Variants in TSPEAR observed in about 807,000 individuals in gnomAD.
TSPEAR encodes thrombospondin type laminin G domain and EAR repeats.
A neutral mutation model predicts 71.6 loss-of-function variants in TSPEAR; 69 were observed. The ratio of observed to expected loss-of-function variants is 0.96; its 90% CI spans 0.79 to 1.18. The LOEUF (loss-of-function observed/expected upper bound fraction) is 1.18, where lower values mean the gene tolerates loss of function less well. Ranked by LOEUF, TSPEAR falls within the 50% of genes most tolerant of loss-of-function variation. The probability of loss-of-function intolerance (pLI) is 0.00; values close to 1 mark genes in which losing one functional copy is unlikely to be tolerated. For synonymous variants in TSPEAR, 402 were observed against 387.2 expected (o/e 1.04, Z -0.45); for missense variants, 971 against 894.9 (o/e 1.09, Z -1.09).
At chr21:44,567,158 C>T (rs1555921839) in intron 2 of TSPEAR, among the ~76,000 whole-genome samples, 1 of 152,026 alleles carries the variant, frequency 6.6e-6, no homozygotes, top group African/African-American at 2.4e-5. Context: ...TATAACTGAG[C>T]AATAAGTCCA....
In TSPEAR at chr21:44,711,347, T is replaced by C; in HGVS notation, c.82+86A>G. On this transcript the variant is annotated intron_variant, in intron 1 of 11. Transcript: ENST00000323084. The surrounding 1 kb of genome is among the most constrained non-coding windows in gnomAD (Gnocchi z 4.5). ...CCTCGGGCACCGCGGCTTGAATCAG[T>C]GTTAGAAAGTGGCATTTGTGACTCG... 7.9e-7 allele frequency: 1 copy of C among 1,259,088 alleles called. No individual in the cohort carries two copies. The allele number at this position is 1,259,088 out of a possible 1,614,324, so 78.0% of individuals were successfully genotyped here.
At chr21:44,525,551 T>C in intron 8 of TSPEAR, 102 bp downstream of exon 8, 1 of 1,228,252 alleles carries the variant, frequency 8.1e-7, no homozygotes, top group Non-Finnish European at 1.2e-6. Flanking sequence ...GTGCTGCATG[T>C]GGCTTATTGT....
Position 44,600,864 on chromosome 21 carries a change from C to T in TSPEAR, c.83-32859G>A, listed in dbSNP as rs782205356. ...AGCCCAGCCCCTGCCAATCAGGCTG[C>T]ACCAGCTCCTGCACGCCCTCGTGCT... is the stretch of plus-strand genomic sequence containing the variant. On this transcript the variant is annotated intron_variant, in intron 1 of 11. Transcript: ENST00000323084. 28 of 1,610,414 alleles carry T rather than the reference C, an allele frequency of 1.7e-5. No individual in the cohort carries two copies. In the African/African-American group the frequency reaches 3.4e-4, roughly 20 times the overall value.
intron 9 of TSPEAR, among the ~76,000 whole-genome samples, chr21:44,511,642 A>G (rs1346450836): frequency 1.3e-5 from 2 of 152,188 alleles, no homozygotes; most frequent in African/African-American, 4.8e-5. Context: ...AGCTCTCCCC[A>G]CATTGCTGGA....
chr21:44,588,652 TAAAG>T (rs1979501556), intron 1 of TSPEAR, among the ~76,000 whole-genome samples: 1 of 148,758 alleles, frequency 6.7e-6, no homozygotes, highest in Admixed American at 6.7e-5. Flanking sequence ...AACGAGTGGA[TAAAG>T]AAACTTTTAT....
chr21:44,510,393 A>G (rs17004651), intron 9 of TSPEAR, among the ~76,000 whole-genome samples: 2,658 of 152,304 alleles, frequency 0.017, 97 homozygotes, highest in African/African-American at 0.061. Flanking sequence ...CCAGGTAAGA[A>G]GCAGCTCTGA....
At chr21:44,665,217 T>G (rs1555944425) in intron 1 of TSPEAR, among the ~76,000 whole-genome samples, 1 of 152,152 alleles carries the variant, frequency 6.6e-6, no homozygotes, top group Non-Finnish European at 1.5e-5. Flanking sequence ...ATGAAACCAG[T>G]TTTTTAACCC....
intron 1 of TSPEAR, among the ~76,000 whole-genome samples, chr21:44,654,047 A>G (rs1425317246): frequency 1.3e-5 from 2 of 152,256 alleles, no homozygotes; most frequent in African/African-American, 4.8e-5. Flanking sequence ...AACATCAGAC[A>G]GTGCGGAGGG....
intron 10 of TSPEAR, chr21:44,508,757 G>A (rs782679023): frequency 3.3e-5 from 42 of 1,277,074 alleles, no homozygotes; most frequent in Non-Finnish European, 3.9e-5. Flanking sequence ...GTTTGTTGTC[G>A]GGGAGGATGC....
At chr21:44,647,474 C>T in intron 1 of TSPEAR, 1 of 1,201,938 alleles carries the variant, frequency 8.3e-7, no homozygotes, top group Non-Finnish European at 1.2e-6. Context: ...AGAGCTGCTG[C>T]CTGAAGGGGA....
intron 2 of TSPEAR, among the ~76,000 whole-genome samples, chr21:44,562,160 A>C (rs1193490444): frequency 6.6e-6 from 1 of 152,170 alleles, no homozygotes; most frequent in Non-Finnish European, 1.5e-5. Context: ...AATGTGCAAA[A>C]ATCACAAGCC....
At chr21:44,565,901 G>A (rs1010120488) in intron 2 of TSPEAR, among the ~76,000 whole-genome samples, 4 of 152,182 alleles carry the variant, frequency 2.6e-5, no homozygotes, top group African/African-American at 9.6e-5. Flanking sequence ...AGGATACAAC[G>A]TCAACACACA....
rs377177017 is a variant in TSPEAR, at chr21:44,646,547, C to G, written c.82+64886G>C. The G allele has an allele frequency of 7.3e-5, 118 of 1,612,606 alleles. No individual in the cohort carries two copies. Among genetic ancestry groups the G allele is most frequent in the Middle Eastern group, 2.1e-4 (1 of 4,864 alleles). ...TGCCCAGAGAGCTGCTGTGAGCCCCCCTGCAGCGCCCCCAGCTGCTGCGCC... is the reference window on the plus strand; with the variant it reads ...TGCCCAGAGAGCTGCTGTGAGCCCCGCTGCAGCGCCCCCAGCTGCTGCGCC... On this transcript the variant is annotated intron_variant, in intron 1 of 11. Transcript: ENST00000323084.
chr21:44,681,586 A>G, intron 1 of TSPEAR: 1 of 488,966 alleles, frequency 2.0e-6, no homozygotes, highest in Non-Finnish European at 3.6e-6. Context: ...TTGCATGGGG[A>G]AAGCTGGTTT....
intron 1 of TSPEAR, among the ~76,000 whole-genome samples, chr21:44,634,741 T>A (rs782450172): frequency 2.0e-5 from 3 of 152,190 alleles, no homozygotes; most frequent in Non-Finnish European, 4.4e-5. Flanking sequence ...CTCAATGTTA[T>A]TGGTCATTAG....
In TSPEAR at chr21:44,579,460, C is replaced by T. The variant is rs145497498; in HGVS notation, c.83-11455G>A. On this transcript the variant is annotated intron_variant, in intron 1 of 11. Coordinates refer to ENST00000323084, the MANE Select transcript of TSPEAR (RefSeq NM_144991.3). ...AGCACTACAGAAAAAGAGAATCAGG[C>T]GACCAAGGGGAGTTTATTGGGGAGC... 29 of 523,368 alleles carry T rather than the reference C, an allele frequency of 5.5e-5. 1 individual carries two copies. The Middle Eastern group carries it at 1.5e-3, about 27-fold the overall frequency. The allele number at this position is 523,368 out of a possible 1,614,324, so 32.4% of individuals were successfully genotyped here.
intron 1 of TSPEAR, chr21:44,682,227 A>G: frequency 7.6e-7 from 1 of 1,310,066 alleles, no homozygotes; most frequent in East Asian, 2.4e-5. Flanking sequence ...CACAGCACAG[A>G]AGCACACACC....
chr21:44,581,373 G>A (rs782445050), intron 1 of TSPEAR, among the ~76,000 whole-genome samples: 2 of 152,182 alleles, frequency 1.3e-5, no homozygotes, highest in Non-Finnish European at 2.9e-5. Context: ...TGATAGTTTA[G>A]CTGGGTATAT....
At chr21:44,533,612 G>A in intron 3 of TSPEAR, 73 bp downstream of exon 3, 1 of 1,300,724 alleles carries the variant, frequency 7.7e-7, no homozygotes, top group Non-Finnish European at 1.1e-6. Flanking sequence ...TGCTCGGCGA[G>A]CACGGCTGAA....
Sources: allele counts gnomAD v4.1 joint callset (sites outside exome capture counted in the v4.1 genomes callset), GRCh38; gene constraint gnomAD v4.1.1; non-coding constraint Gnocchi (gnomAD v3.1); transcripts MANE v1.5; gene names NCBI Gene and HGNC (gene_info 2026-07-23, HGNC 2026-07-21).